Variants in PTK7 observed in about 807,000 individuals in gnomAD.
The protein encoded by PTK7 is inactive tyrosine-protein kinase 7.
PTK7 carries 39 observed loss-of-function variants against 116.6 expected under a neutral mutation model. That is an observed-to-expected ratio of 0.33 (90% CI 0.26 to 0.44). PTK7 has a LOEUF of 0.44. Ranked by LOEUF, PTK7 falls within the 20% of genes least tolerant of loss-of-function variation. PTK7 has a pLI of 1.00. For missense variants in PTK7, 1,169 were observed against 1,425.6 expected, an observed-to-expected ratio of 0.82 and a Z score of 2.90; for synonymous variants, 546 against 563.6, an observed-to-expected ratio of 0.97 and a Z score of 0.44.
At chr6:43,093,183 CTTTTT>C (rs72414606) in intron 1 of PTK7, among the ~76,000 whole-genome samples, 3 of 84,772 alleles carry the variant, frequency 3.5e-5, no homozygotes, top group African/African-American at 1.5e-4. Flanking sequence ...ATAGGATCTC[CTTTTT>C]TTTTTTTTTT....
chr6:43,100,508 T>C (rs1767515638), intron 1 of PTK7, among the ~76,000 whole-genome samples: 1 of 151,826 alleles, frequency 6.6e-6, no homozygotes. Context: ...TTTTCAAAGA[T>C]GTCTGTTAAA....
In PTK7 at chr6:43,160,746, TC is replaced by T; in HGVS notation, c.3080del (p.Pro1027LeufsTer13). 1 of 1,614,200 alleles carries T rather than the reference TC, an allele frequency of 6.2e-7. No individual in the cohort carries two copies. Among genetic ancestry groups the T allele is most frequent in the Non-Finnish European group, 8.5e-7 (1 of 1,180,034 alleles). ...ADLQAGKARLPQPEGCPSKLY... is the reference protein window; with the variant it reads ...ADLQAGKARLXQPEGCPSKLY... ...ATTTGCAGGCTGGGAAGGCTAGACTTCCTCAGCCCGAGGGCTGCCCTTCCAA... is the reference window on the plus strand; with the variant it reads ...ATTTGCAGGCTGGGAAGGCTAGACTTCTCAGCCCGAGGGCTGCCCTTCCAA... On this transcript the variant is annotated frameshift_variant, in exon 20 of 20. Coordinates refer to ENST00000230419, the MANE Select transcript of PTK7 (RefSeq NM_002821.5). LOFTEE classifies it high-confidence loss of function.
At chr6:43,136,105 G>A (rs1388329944) in intron 7 of PTK7, among the ~76,000 whole-genome samples, 3 of 152,054 alleles carry the variant, frequency 2.0e-5, no homozygotes, top group African/African-American at 4.8e-5. Flanking sequence ...GCAGTGAGCC[G>A]AGATTGCGCC....
intron 1 of PTK7, among the ~76,000 whole-genome samples, chr6:43,096,315 G>A (rs3805937): frequency 0.016 from 2,443 of 152,244 alleles, 105 homozygotes; most frequent in East Asian, 0.089. Flanking sequence ...ACAGAACTTC[G>A]AAAACGGTGT....
At chr6:43,131,061 A>ACG (rs1769650835) in intron 5 of PTK7, among the ~76,000 whole-genome samples, 1 of 148,916 alleles carries the variant, frequency 6.7e-6, no homozygotes, top group Admixed American at 6.6e-5. Context: ...ACACACACAC[A>ACG]CACACACACA....
intron 1 of PTK7, among the ~76,000 whole-genome samples, chr6:43,099,335 C>T (rs1767439753): frequency 6.6e-6 from 1 of 151,546 alleles, no homozygotes; most frequent in African/African-American, 2.4e-5. Flanking sequence ...CAGACTCAAG[C>T]AATCCTCCCA....
chr6:43,134,158 C>T lies in PTK7; in HGVS notation c.1228+1471C>T, dbSNP rs142922227. Among the ~76,000 whole-genome samples the T allele has an allele frequency of 2.3e-3, 352 of 152,302 alleles. 3 individuals carry two copies. Among genetic ancestry groups the T allele is most frequent in the Non-Finnish European group, 1.7e-3 (116 of 68,018 alleles). On this transcript the variant is annotated intron_variant, in intron 7 of 19. Transcript: ENST00000230419. ...GGTTCAAGTGATTCTCGTGCCTCAG[C>T]CTCCCAAGTAGCTGGGTTTAAAGGT...
chr6:43,138,262 C>T (rs1416888118), intron 7 of PTK7, among the ~76,000 whole-genome samples: 3 of 151,984 alleles, frequency 2.0e-5, no homozygotes, highest in African/African-American at 2.4e-5. Context: ...CCTCCCGCCT[C>T]GGCCTCCCAA....
In PTK7 at chr6:43,129,978, T is replaced by TA; in HGVS notation, c.470+150dup. The TA allele has an allele frequency of 4.4e-6, 4 of 900,750 alleles. No individual in the cohort carries two copies. Among genetic ancestry groups the TA allele is most frequent in the Non-Finnish European group, 5.2e-6 (3 of 582,028 alleles). The allele number at this position is 900,750 out of a possible 1,614,324, so 55.8% of individuals were successfully genotyped here. ...GCTCTTCACCCTGCCCTCCCCCAGA[T>TA]ATTGCCCTATGCCGGCCCCTGGTGG... is the stretch of plus-strand genomic sequence containing the variant. On this transcript the variant is annotated intron_variant, in intron 3 of 19. Transcript: ENST00000230419. The surrounding 1 kb of genome is among the most constrained non-coding windows in gnomAD (Gnocchi z 4.5).
rs535334740 is a variant in PTK7 at position 43,143,396 on chromosome 6, A to T, written c.2048-21A>T. ...CTTTTGCTTAGCAGCCCCTGCCCAGACCCATCTGTGTGTCTCTCAGACAAG... is the reference window on the plus strand; with the variant it reads ...CTTTTGCTTAGCAGCCCCTGCCCAGTCCCATCTGTGTGTCTCTCAGACAAG... On this transcript the variant is annotated intron_variant, in intron 13 of 19. Transcript: ENST00000230419. This position sits in a 1 kb window ranked among gnomAD's most constrained non-coding sequence, Gnocchi z 4.2. 3 of 1,611,440 alleles carry T rather than the reference A, an allele frequency of 1.9e-6. No individual in the cohort carries two copies. Among genetic ancestry groups the T allele is most frequent in the Non-Finnish European group, 2.5e-6 (3 of 1,178,968 alleles).
intron 17 of PTK7, among the ~76,000 whole-genome samples, chr6:43,151,860 T>A (rs1040488553): frequency 4.0e-5 from 5 of 124,990 alleles, no homozygotes; most frequent in East Asian, 2.6e-4. Flanking sequence ...CCTTTTTTTT[T>A]ATTTGAGGCA....
chr6:43,079,408 A>G (rs973168550), intron 1 of PTK7, among the ~76,000 whole-genome samples: 1 of 149,376 alleles, frequency 6.7e-6, no homozygotes, highest in African/African-American at 2.5e-5. Flanking sequence ...TGGAGCTTGC[A>G]GTGATCGTGC....
intron 1 of PTK7, among the ~76,000 whole-genome samples, chr6:43,095,970 T>C (rs371761450): frequency 1.3e-5 from 2 of 152,150 alleles, no homozygotes; most frequent in Non-Finnish European, 2.9e-5. Flanking sequence ...GCTACACAGA[T>C]ATGTGTAAGC....
At chr6:43,100,155 G>C (rs993666766) in intron 1 of PTK7, among the ~76,000 whole-genome samples, 1 of 152,102 alleles carries the variant, frequency 6.6e-6, no homozygotes, top group African/African-American at 2.4e-5. Context: ...AGGCTGAGAC[G>C]GGCGGATCAC....
At chr6:43,100,938 AAGAT>A (rs1250361109) in intron 1 of PTK7, among the ~76,000 whole-genome samples, 1 of 152,258 alleles carries the variant, frequency 6.6e-6, no homozygotes, top group East Asian at 1.9e-4. Flanking sequence ...AAACGATTGA[AAGAT>A]AGTTGTATCA....
At chr6:43,127,471 C>A (rs1769362140) in intron 1 of PTK7, among the ~76,000 whole-genome samples, 1 of 152,232 alleles carries the variant, frequency 6.6e-6, no homozygotes, top group Non-Finnish European at 1.5e-5. Context: ...TCCTTTGTTC[C>A]CACTGACTGC....
intron 1 of PTK7, among the ~76,000 whole-genome samples, chr6:43,117,247 G>T (rs995729853): frequency 7.2e-5 from 11 of 152,196 alleles, no homozygotes; most frequent in African/African-American, 2.7e-4. Flanking sequence ...TGTAGGAGAA[G>T]GCCACAGAGA....
At chr6:43,135,090 C>T (rs1389486303) in intron 7 of PTK7, among the ~76,000 whole-genome samples, 1 of 152,162 alleles carries the variant, frequency 6.6e-6, no homozygotes, top group Non-Finnish European at 1.5e-5. Context: ...CTGGGTGATA[C>T]TTCATGTGTG....
chr6:43,134,023 G>T (rs1039681874), intron 7 of PTK7, among the ~76,000 whole-genome samples: 1 of 152,186 alleles, frequency 6.6e-6, no homozygotes, highest in Non-Finnish European at 1.5e-5. Context: ...AGAATCACCT[G>T]CTTTCATTAG....
Sources: gnomAD v4.1 joint callset for allele counts (sites outside exome capture counted in the v4.1 genomes callset) on GRCh38, gnomAD v4.1.1 for gene constraint, Gnocchi (gnomAD v3.1) non-coding constraint, MANE v1.5 for transcripts, NCBI Gene and HGNC (gene_info 2026-07-23, HGNC 2026-07-21) for gene names.